Variants in MAP3K15 observed in about 807,000 individuals in gnomAD.
MAP3K15 encodes the protein mitogen-activated protein kinase kinase kinase 15, also known as MAPK/ERK kinase kinase 15.
Under a neutral mutation model 99.5 loss-of-function variants are expected in MAP3K15, and 124 were observed. The observed-to-expected ratio is 1.25, with a 90% CI of 1.08 to 1.45. The LOEUF is 1.45. Ranked by LOEUF, MAP3K15 falls within the 40% of genes most tolerant of loss-of-function variation. The pLI is 0.00. For missense variants in MAP3K15, 1,242 were observed against 1,079.7 expected (o/e 1.15, Z -2.11); for synonymous variants, 494 against 439.6 (o/e 1.12, Z -1.55).
intron 22 of MAP3K15, among the ~76,000 whole-genome samples, chrX:19,372,171 A>C (rs1186894234): frequency 9.1e-6 from 1 of 110,016 alleles, no homozygotes; most frequent in East Asian, 2.8e-4. Flanking sequence ...ATAATAAATA[A>C]ACTGAAATAA....
intron 9 of MAP3K15, among the ~76,000 whole-genome samples, chrX:19,423,877 G>C (rs191834419): frequency 8.9e-6 from 1 of 111,789 alleles, no homozygotes; most frequent in East Asian, 2.8e-4. Context: ...ATTAATATCA[G>C]CTGCATGAAG....
At chrX:19,446,590 C>T in intron 6 of MAP3K15, among the ~76,000 whole-genome samples, 1 of 111,715 alleles carries the variant, frequency 9.0e-6, no homozygotes, top group Non-Finnish European at 1.9e-5. Flanking sequence ...AATTCCTTAG[C>T]TTATCAGTCA....
At chrX:19,496,723 G>A (rs2064405438) in intron 1 of MAP3K15, 2 of 111,041 alleles carry the variant, frequency 1.8e-5, no homozygotes, top group South Asian at 7.7e-4. Flanking sequence ...GCCGGCTCGA[G>A]GGAACCATCG....
Position 19,380,177 on chromosome X carries a change from C to T in MAP3K15, c.2532G>A (p.Met844Ile). 8.3e-7 allele frequency: 1 copy of T among 1,204,394 alleles called. No homozygotes were observed. The highest frequency in any genetic ancestry group is 1.1e-6 in the Non-Finnish European group (1 of 892,297). ...IWSLGCTIIEMATSKPPFHEL... is the reference protein window; with the variant it reads ...IWSLGCTIIEIATSKPPFHEL... ...CATGGAACGGAGGCTTGCTGGTGGC[C>T]ATCTCAATGATGGTGCAGCCCAGGG... Residue 844 changes from methionine to isoleucine, a missense_variant, in exon 19 of 29, where the codon ATG becomes ATA. Met to Ile is a conservative substitution (Grantham distance 10). Transcript: ENST00000338883.
chrX:19,384,346 A>G (rs773271486), intron 18 of MAP3K15, among the ~76,000 whole-genome samples: 6 of 110,138 alleles, frequency 5.4e-5, no homozygotes, highest in Non-Finnish European at 1.1e-4. Context: ...TGGGAAGGGC[A>G]GTGGGGACTG....
intron 3 of MAP3K15, among the ~76,000 whole-genome samples, chrX:19,468,927 C>T (rs1029689299): frequency 1.8e-5 from 2 of 111,143 alleles, no homozygotes; most frequent in South Asian, 3.8e-4. Context: ...CTGTTATTGG[C>T]GTATAAGAAT....
intron 1 of MAP3K15, among the ~76,000 whole-genome samples, chrX:19,501,231 G>C (rs2064438373): frequency 8.9e-6 from 1 of 111,942 alleles, no homozygotes; most frequent in African/African-American, 3.2e-5. Context: ...AAGGGAGAAG[G>C]CTTCTGAGTT....
intron 3 of MAP3K15, among the ~76,000 whole-genome samples, chrX:19,475,917 G>C (rs116314694): frequency 0.084 from 9,389 of 111,877 alleles, 414 homozygotes; most frequent in Non-Finnish European, 0.13. Flanking sequence ...GGCACCCCAT[G>C]CAAGGCATCC....
rs369383239 is a variant in MAP3K15 at position 19,429,760 on chromosome X, AAGAG to A, written c.1166+1674_1166+1677del. Among the ~76,000 whole-genome samples the A allele has an allele frequency of 5.0e-3, 165 of 33,144 alleles. 6 individuals are homozygous for A. The highest frequency in any genetic ancestry group is 0.012 in the South Asian group (3 of 249). The allele number at this position is 33,144 out of a possible 115,157, so 28.8% of individuals were successfully genotyped here. On this transcript the variant is annotated intron_variant, in intron 7 of 28. Transcript: ENST00000338883. ...CAGAGCCTCCTGTGTGTATGAAAGG[AAGAG>A]AGAGAGAGAGAGAGAGAGAGAGAGA...
chrX:19,379,354 A>G (rs2063441769), intron 19 of MAP3K15, among the ~76,000 whole-genome samples: 1 of 108,648 alleles, frequency 9.2e-6, no homozygotes, highest in African/African-American at 3.4e-5. Context: ...CTCTCCCAGA[A>G]ATAGGAAGGT....
At chrX:19,438,605 A>T (rs2063938424) in intron 6 of MAP3K15, among the ~76,000 whole-genome samples, 1 of 111,956 alleles carries the variant, frequency 8.9e-6, no homozygotes, top group Non-Finnish European at 1.9e-5. Flanking sequence ...TGGGTGTGCC[A>T]GAGCACTGAC....
intron 6 of MAP3K15, among the ~76,000 whole-genome samples, chrX:19,439,275 T>C (rs1034961162): frequency 3.6e-5 from 4 of 111,866 alleles, no homozygotes; most frequent in Non-Finnish European, 7.5e-5. Flanking sequence ...GCCATGCTTG[T>C]ACAGTCTGCA....
At chrX:19,445,227 C>A (rs953920276) in intron 6 of MAP3K15, among the ~76,000 whole-genome samples, 9 of 110,310 alleles carry the variant, frequency 8.2e-5, no homozygotes, top group Non-Finnish European at 1.1e-4. Context: ...AAATTCGTAT[C>A]TCAGGGGCTG....
At chrX:19,479,632 T>C (rs1188079191) in intron 3 of MAP3K15, among the ~76,000 whole-genome samples, 4 of 112,387 alleles carry the variant, frequency 3.6e-5, no homozygotes, top group African/African-American at 1.3e-4. Flanking sequence ...AGCTACGCAA[T>C]GCCTATGGAC....
intron 1 of MAP3K15, among the ~76,000 whole-genome samples, chrX:19,504,321 G>A (rs189061580): frequency 8.1e-5 from 9 of 111,313 alleles, no homozygotes; most frequent in Middle Eastern, 4.6e-3. Context: ...CAGAGAGATG[G>A]AGGAGTGCGT....
intron 19 of MAP3K15, among the ~76,000 whole-genome samples, chrX:19,377,417 G>A (rs186535858): frequency 1.2e-3 from 137 of 111,371 alleles, no homozygotes; most frequent in African/African-American, 4.3e-3. Flanking sequence ...GGTGGCCCAT[G>A]CCTACAATCC....
At chrX:19,402,924 C>T (rs1211396317) in intron 13 of MAP3K15, among the ~76,000 whole-genome samples, 2 of 111,799 alleles carry the variant, frequency 1.8e-5, no homozygotes, top group Admixed American at 1.9e-4. Context: ...CCTTGGCCTC[C>T]CAAAGTGCTG....
intron 6 of MAP3K15, among the ~76,000 whole-genome samples, chrX:19,439,340 T>A (rs189582513): frequency 2.7e-5 from 3 of 112,277 alleles, no homozygotes. Context: ...TCTCTGGTAT[T>A]TCTTTATAGC....
chrX:19,484,262 G>T lies in MAP3K15; in HGVS notation c.525+2220C>A, dbSNP rs778047509. Among the ~76,000 whole-genome samples, 133 of 111,096 alleles carry T rather than the reference G, an allele frequency of 1.2e-3. 2 individuals are homozygous for T. The highest frequency in any genetic ancestry group is 4.0e-3 in the African/African-American group (122 of 30,506). On this transcript the variant is annotated intron_variant, in intron 3 of 28. Coordinates refer to ENST00000338883, the MANE Select transcript of MAP3K15 (RefSeq NM_001001671.4). ...CATTGGTGACATTAGATTCTTACAG[G>T]AGTGCAAACCCTATTGTGAACTGCA...
Sources: allele counts gnomAD v4.1 joint callset (sites outside exome capture counted in the v4.1 genomes callset), GRCh38; gene constraint gnomAD v4.1.1; transcripts MANE v1.5; gene names NCBI Gene and HGNC (gene_info 2026-07-23, HGNC 2026-07-21).